Variants in ANK3 observed in about 807,000 individuals in gnomAD.
ANK3 encodes the protein ankyrin 3.
In ANK3, 57 loss-of-function variants were observed where a neutral mutation model predicts 370.9. That is an observed-to-expected ratio of 0.15 (90% CI 0.12 to 0.19). The LOEUF (loss-of-function observed/expected upper bound fraction) is 0.19, where lower values mean the gene tolerates loss of function less well. ANK3 is among the 10% of genes least tolerant of loss of function. The pLI, the probability that ANK3 is intolerant of heterozygous loss-of-function variation, is 1.00. For missense variants in ANK3, 4,439 were observed against 5,302.1 expected, an observed-to-expected ratio of 0.84 and a Z score of 5.06; for synonymous variants, 1,929 against 1,946.3, an observed-to-expected ratio of 0.99 and a Z score of 0.23.
At chr10:60,489,603 A>T (rs1290252535) in intron 2 of ANK3, among the ~76,000 whole-genome samples, 2 of 152,206 alleles carry the variant, frequency 1.3e-5, no homozygotes, top group African/African-American at 4.8e-5. Context: ...TACTATACAT[A>T]GTTCAAATTC....
intron 2 of ANK3, among the ~76,000 whole-genome samples, chr10:60,567,020 A>C (rs2077479276): frequency 6.6e-6 from 1 of 152,248 alleles, no homozygotes; most frequent in Non-Finnish European, 1.5e-5. Flanking sequence ...GGTTTAAGGA[A>C]AGAAGCTGTC....
rs1004895872 is a variant in ANK3, at chr10:60,624,058, G to A, written c.58-8834C>T. Among the ~76,000 whole-genome samples the A allele has an allele frequency of 2.6e-5, 4 of 152,124 alleles. No individual in the cohort carries two copies. The East Asian group carries it at 5.8e-4, about 22-fold the overall frequency. Reference sequence around the variant, plus strand: ...AGACACTGAGGCCTACTTGAGGGTAGAGGGAGGGAGAAGAGCAAGGATGGA... The same window carrying A: ...AGACACTGAGGCCTACTTGAGGGTAAAGGGAGGGAGAAGAGCAAGGATGGA... On this transcript the variant is annotated intron_variant, in intron 1 of 43. Transcript: ENST00000373827.
intron 1 of ANK3, among the ~76,000 whole-genome samples, chr10:60,368,053 C>T (rs79359809): frequency 0.1 from 15,873 of 152,114 alleles, 896 homozygotes; most frequent in South Asian, 0.13. Flanking sequence ...GTATACTCCA[C>T]GTGTTGCAAT....
Position 60,196,147 on chromosome 10 carries a change from T to C in ANK3, c.1885A>G (p.Lys629Glu), listed in dbSNP as rs759363336. The C allele has an allele frequency of 1.2e-6, 2 of 1,613,310 alleles. No homozygotes were observed. Among genetic ancestry groups the C allele is most frequent in the Admixed American group, 1.7e-5 (1 of 59,994 alleles). The part of the protein sequence containing the change: ...DQGASPHAAA[K>E]NGYTPLHIAA... ...TTAGGCTGTGGAATTATAGGTACCT[T>C]TGCGGCTGCGTGAGGTGAGGCTCCT... Residue 629 changes from lysine to glutamate, a missense_variant and splice_region_variant, in exon 16 of 44, where the codon AAG (lysine) becomes GAG (glutamate). By Grantham distance (56) the Lys-to-Glu change is moderately conservative (BLOSUM62 1). Transcript: ENST00000280772.
chr10:60,449,939 G>C (rs80078515), intron 2 of ANK3, among the ~76,000 whole-genome samples: 1 of 151,968 alleles, frequency 6.6e-6, no homozygotes, highest in African/African-American at 2.4e-5. Context: ...TGGTCTAAAA[G>C]TCTAGAGAAC....
chr10:60,240,058 C>CATATATACATATATATACATATATACACT lies in ANK3; in HGVS notation c.799-5301_799-5273dup, dbSNP rs1565912456. ...ATACACATATATATACATATATACA[C>CATATATACATATATATACATATATACACT]ATATATACATATATATACATATATA... On this transcript the variant is annotated intron_variant, in intron 7 of 43. Transcript: ENST00000280772. Among the ~76,000 whole-genome samples the CATATATACATATATATACATATATACACT allele has an allele frequency of 4.7e-4, 31 of 66,392 alleles. 1 individual carries two copies. Among genetic ancestry groups the CATATATACATATATATACATATATACACT allele is most frequent in the African/African-American group, 1.2e-3 (29 of 23,302 alleles). 43.6% of individuals were successfully genotyped at this position (66,392 alleles called of 152,430 possible).
chr10:60,070,244 G>C lies in ANK3; in HGVS notation c.10637C>G (p.Ser3546Cys). 1 of 1,614,076 alleles carries C rather than the reference G, an allele frequency of 6.2e-7. No homozygotes were observed. The highest frequency in any genetic ancestry group is 8.5e-7 in the Non-Finnish European group (1 of 1,179,976). The change falls in exon 37 of 44, where the codon TCT becomes TGT. Residue 3546 changes from serine to cysteine, a missense_variant. This residue lies in a region of ANK3 where 1,601 missense variants were observed against 1,731.7 expected (regional missense o/e 0.92). Transcript: ENST00000280772. The surrounding 1 kb of genome is among the most constrained non-coding windows in gnomAD (Gnocchi z 5.7). ...AACTTCATCATCCCCTCGGTTATTA[G>C]ACCAAGGGTCAAAATCTAGACCTTT... ...ATKGLDFDPW[S>C]NNRGDDEVFD...
rs541135863 is a variant in ANK3, at chr10:60,267,032, G to A, written c.514-3012C>T. Among the ~76,000 whole-genome samples the A allele has an allele frequency of 7.9e-5, 12 of 152,164 alleles. No individual in the cohort carries two copies. In the South Asian group the frequency reaches 1.5e-3, roughly 18 times the overall value. On this transcript the variant is annotated intron_variant, in intron 5 of 43. Transcript: ENST00000280772. ...ATGCAGTACACAGTAATACAAAAACGTTTTAAAAACCACAATTATACTTAA... is the reference window on the plus strand; with the variant it reads ...ATGCAGTACACAGTAATACAAAAACATTTTAAAAACCACAATTATACTTAA...
rs925252697 is a variant in ANK3, at chr10:60,679,673, G to C, written c.57+53590C>G. On this transcript the variant is annotated intron_variant, in intron 1 of 43. Transcript: ENST00000373827. The stretch of plus-strand genomic sequence containing the variant: ...AGCCTACCCCAAGAAAGAATCAGGG[G>C]AGAAGAAATGCAAACCTCGGAACCA... Among the ~76,000 whole-genome samples, 34 of 152,132 alleles carry C rather than the reference G, an allele frequency of 2.2e-4. 1 individual carries two copies. The highest frequency in any genetic ancestry group is 1.4e-3 in the Admixed American group (22 of 15,270).
chr10:60,109,234 CT>C (rs2092482597), intron 26 of ANK3, among the ~76,000 whole-genome samples, 180 bp from the exon 27 acceptor site: 1 of 152,170 alleles, frequency 6.6e-6, no homozygotes, highest in South Asian at 2.1e-4. Context: ...AACTTGTGCA[CT>C]TTGCAAAAAC....
At chr10:60,298,377 T>C (rs1337628136) in intron 1 of ANK3, among the ~76,000 whole-genome samples, 1 of 152,224 alleles carries the variant, frequency 6.6e-6, no homozygotes, top group Non-Finnish European at 1.5e-5. Flanking sequence ...CTATACCCTC[T>C]TTGCAAGGAT....
At chr10:60,381,438 G>T (rs1363646824) in intron 1 of ANK3, among the ~76,000 whole-genome samples, 1 of 152,162 alleles carries the variant, frequency 6.6e-6, no homozygotes, top group Non-Finnish European at 1.5e-5. Context: ...CAAAATGACA[G>T]ATTTAATTCC....
At chr10:60,539,424 G>C (rs73267603) in intron 2 of ANK3, among the ~76,000 whole-genome samples, 2,168 of 151,972 alleles carry the variant, frequency 0.014, 52 homozygotes, top group African/African-American at 0.049. Flanking sequence ...AGGAACCCCA[G>C]CAAAGACATG....
intron 24 of ANK3, 133 bp from the exon 25 acceptor site, chr10:60,134,506 T>G (rs1278658791): frequency 1.4e-5 from 8 of 591,942 alleles, no homozygotes; most frequent in Non-Finnish European, 2.3e-5. Flanking sequence ...TGAAAGGACA[T>G]AGTGAAAAGT....
chr10:60,413,431 T>C (rs556232084), intron 2 of ANK3, among the ~76,000 whole-genome samples: 127 of 152,342 alleles, frequency 8.3e-4, no homozygotes, highest in African/African-American at 3.0e-3. Flanking sequence ...TTTATTATAC[T>C]GACAATCTTC....
intron 2 of ANK3, among the ~76,000 whole-genome samples, chr10:60,481,163 C>T (rs2075204508): frequency 6.6e-6 from 1 of 152,110 alleles, no homozygotes; most frequent in Non-Finnish European, 1.5e-5. Flanking sequence ...CTTAACAAGC[C>T]TGAACAACAG....
chr10:60,567,957 T>A (rs945775964), intron 2 of ANK3, among the ~76,000 whole-genome samples: 9 of 152,190 alleles, frequency 5.9e-5, no homozygotes, highest in African/African-American at 2.2e-4. Context: ...AGACATGACA[T>A]GCCTCATGAT....
chr10:60,677,406 A>C (rs1319387927), intron 1 of ANK3, among the ~76,000 whole-genome samples: 1 of 152,216 alleles, frequency 6.6e-6, no homozygotes, highest in East Asian at 1.9e-4. Flanking sequence ...GCCCAGAGAT[A>C]TTAGTCTTAC....
In ANK3 at chr10:60,301,914, G is replaced by T. The variant is rs150877299; in HGVS notation, c.115-22275C>A. Among the ~76,000 whole-genome samples the T allele has an allele frequency of 2.0e-4, 31 of 152,176 alleles. No individual in the cohort carries two copies. The East Asian group carries it at 5.6e-3, about 27-fold the overall frequency. ...TTATTTAGTACAGTTCTAATCAATA[G>T]TTCTCTTAAACCTTTAAGGCTTGAA... On this transcript the variant is annotated intron_variant, in intron 1 of 43. Coordinates refer to ENST00000280772, the MANE Select transcript of ANK3 (RefSeq NM_020987.5).
Sources: allele counts gnomAD v4.1 joint callset (sites outside exome capture counted in the v4.1 genomes callset), GRCh38; gene constraint gnomAD v4.1.1; regional missense constraint gnomAD v4.1.1; non-coding constraint Gnocchi (gnomAD v3.1); transcripts MANE v1.5; gene names NCBI Gene and HGNC (gene_info 2026-07-23, HGNC 2026-07-21).